Variants in LRFN5 observed in about 807,000 individuals in gnomAD.
LRFN5 encodes the protein leucine-rich repeat and fibronectin type-III domain-containing protein 5.
In LRFN5, 24 loss-of-function variants were observed where a neutral mutation model predicts 45.6. That is an observed-to-expected ratio of 0.53 (90% CI 0.38 to 0.74). LRFN5 has a LOEUF of 0.74. Among genes scored for constraint, LRFN5 ranks in the 30% least tolerant of loss-of-function variants. The probability of loss-of-function intolerance (pLI) is 0.00; values close to 1 mark genes in which losing one functional copy is unlikely to be tolerated. For missense variants in LRFN5, 776 were observed against 861.5 expected, an observed-to-expected ratio of 0.90 and a Z score of 1.24; for synonymous variants, 340 against 313.8, an observed-to-expected ratio of 1.08 and a Z score of -0.88.
At chr14:41,634,953 A>T (rs545586921) in intron 1 of LRFN5, among the ~76,000 whole-genome samples, 2 of 152,264 alleles carry the variant, frequency 1.3e-5, no homozygotes, top group Non-Finnish European at 2.9e-5. Context: ...GTAATGAAAC[A>T]TAATTACATT....
At chr14:41,759,445 C>T (rs1470844568) in intron 1 of LRFN5, among the ~76,000 whole-genome samples, 1 of 122,574 alleles carries the variant, frequency 8.2e-6, no homozygotes, top group Admixed American at 9.4e-5. Context: ...TATTCTCTCT[C>T]TCTACACACA....
At chr14:41,893,106 A>T in intron 4 of LRFN5, 1 of 984,814 alleles carries the variant, frequency 1.0e-6, no homozygotes, top group South Asian at 4.7e-5. Context: ...TTTGCATTTG[A>T]ATGTTTTCCT....
At chr14:41,739,702 A>G (rs1038880746) in intron 1 of LRFN5, among the ~76,000 whole-genome samples, 10 of 152,022 alleles carry the variant, frequency 6.6e-5, no homozygotes, top group Admixed American at 5.9e-4. Context: ...AAGGAAGTAA[A>G]TAACAAAGAT....
chr14:41,674,196 G>A (rs1445022656), intron 1 of LRFN5, among the ~76,000 whole-genome samples: 11 of 135,858 alleles, frequency 8.1e-5, no homozygotes, highest in African/African-American at 2.8e-4. Context: ...CTGGCCGGGC[G>A]GGGGGCTGAC....
At chr14:41,736,375 A>C (rs1450306733) in intron 1 of LRFN5, among the ~76,000 whole-genome samples, 1 of 152,164 alleles carries the variant, frequency 6.6e-6, no homozygotes, top group East Asian at 1.9e-4. Context: ...AGCTTTTTAA[A>C]ATAAGTTTGT....
chr14:41,789,689 T>A (rs1886849849), intron 2 of LRFN5, among the ~76,000 whole-genome samples: 1 of 151,898 alleles, frequency 6.6e-6, no homozygotes, highest in Admixed American at 6.6e-5. Context: ...CACTATAGAG[T>A]CTTCATTTGT....
At chr14:41,870,767 A>G (rs1379512745) in intron 2 of LRFN5, among the ~76,000 whole-genome samples, 1 of 152,190 alleles carries the variant, frequency 6.6e-6, no homozygotes, top group Non-Finnish European at 1.5e-5. Flanking sequence ...TTTAATATTG[A>G]TTAGAAGTTT....
chr14:41,793,732 G>A (rs1052604636), intron 2 of LRFN5, among the ~76,000 whole-genome samples: 1 of 151,870 alleles, frequency 6.6e-6, no homozygotes, highest in Non-Finnish European at 1.5e-5. Flanking sequence ...TAGTCACACT[G>A]CCCAAGTTTG....
intron 1 of LRFN5, among the ~76,000 whole-genome samples, chr14:41,612,041 C>T (rs548846880): frequency 1.8e-3 from 270 of 152,048 alleles, no homozygotes; most frequent in Admixed American, 3.1e-3. Context: ...CATAAATGAC[C>T]GTCATTTTCC....
chr14:41,736,960 A>G (rs967829542), intron 1 of LRFN5, among the ~76,000 whole-genome samples: 11 of 152,148 alleles, frequency 7.2e-5, no homozygotes, highest in Admixed American at 7.2e-4. Flanking sequence ...AAACTATTCC[A>G]AACAATAGAA....
At chr14:41,892,024 A>G (rs1005887091) in intron 4 of LRFN5, 62 bp downstream of exon 4, 5 of 1,564,650 alleles carry the variant, frequency 3.2e-6, no homozygotes, top group African/African-American at 2.8e-5. Context: ...CCCTCAATGG[A>G]GAATTAAAGG....
intron 1 of LRFN5, among the ~76,000 whole-genome samples, chr14:41,635,590 T>A (rs1879265045): frequency 6.6e-6 from 1 of 152,124 alleles, no homozygotes; most frequent in Non-Finnish European, 1.5e-5. Context: ...ATCAAGTTGT[T>A]AGGAATCCAG....
At chr14:41,844,543 A>C (rs1255199830) in intron 2 of LRFN5, among the ~76,000 whole-genome samples, 1 of 152,184 alleles carries the variant, frequency 6.6e-6, no homozygotes, top group Non-Finnish European at 1.5e-5. Context: ...AAAGCATTCC[A>C]ACATTTTAAA....
chr14:41,855,122 AT>A (rs1191414015), intron 2 of LRFN5, among the ~76,000 whole-genome samples: 5 of 152,122 alleles, frequency 3.3e-5, no homozygotes, highest in Non-Finnish European at 7.4e-5. Context: ...CATGGGCAAA[AT>A]TTTGAGTGAA....
chr14:41,673,444 GGC>G (rs1240815994), intron 1 of LRFN5, among the ~76,000 whole-genome samples: 1 of 144,104 alleles, frequency 6.9e-6, no homozygotes, highest in South Asian at 2.2e-4. Context: ...CGGGCGGGGG[GGC>G]TGACCCCCCC....
intron 2 of LRFN5, among the ~76,000 whole-genome samples, chr14:41,825,751 G>A (rs1250079025): frequency 6.6e-6 from 1 of 152,146 alleles, no homozygotes; most frequent in Non-Finnish European, 1.5e-5. Context: ...GGTTTGGGGG[G>A]AGGGTGAGTT....
chr14:41,616,497 T>C (rs1887929336), intron 1 of LRFN5, among the ~76,000 whole-genome samples: 1 of 152,128 alleles, frequency 6.6e-6, no homozygotes, highest in Non-Finnish European at 1.5e-5. Flanking sequence ...GATCTCTAGA[T>C]TATTTACTAA....
chr14:41,735,262 TTA>T (rs1409513361), intron 1 of LRFN5, among the ~76,000 whole-genome samples: 2 of 152,064 alleles, frequency 1.3e-5, no homozygotes, highest in Admixed American at 6.6e-5. Context: ...ACCTTTATTT[TTA>T]TTTTTATTTT....
intron 2 of LRFN5, among the ~76,000 whole-genome samples, chr14:41,828,885 C>T (rs75517277): frequency 6.6e-6 from 1 of 151,834 alleles, no homozygotes; most frequent in Non-Finnish European, 1.5e-5. Context: ...AATTTCCTTA[C>T]AACAGGCATC....
Sources: gnomAD v4.1 joint callset for allele counts (sites outside exome capture counted in the v4.1 genomes callset) on GRCh38, gnomAD v4.1.1 for gene constraint, MANE v1.5 for transcripts, NCBI Gene and HGNC (gene_info 2026-07-23, HGNC 2026-07-21) for gene names.